LIFR: variants seen among roughly 807,000 people sequenced by gnomAD.
LIFR encodes the protein LIF receptor subunit alpha.
Under a neutral mutation model 122.2 loss-of-function variants are expected in LIFR, and 84 were observed. That is an observed-to-expected ratio of 0.69 (90% CI 0.58 to 0.82). The LOEUF (loss-of-function observed/expected upper bound fraction) is 0.82, where lower values mean the gene tolerates loss of function less well. Ranked by LOEUF, LIFR falls within the 40% of genes least tolerant of loss-of-function variation. The probability of loss-of-function intolerance (pLI) is 0.00; values close to 1 mark genes in which losing one functional copy is unlikely to be tolerated. For missense variants in LIFR, 1,294 were observed against 1,311.6 expected (o/e 0.99, Z 0.21); for synonymous variants, 422 against 434.7 (o/e 0.97, Z 0.36).
intron 14 of LIFR, 73 bp downstream of exon 14, chr5:38,493,533 T>A: frequency 7.1e-7 from 1 of 1,399,950 alleles, no homozygotes; most frequent in Non-Finnish European, 1.0e-6. Context: ...ATCACTTCAC[T>A]GCACCCAGTC....
At chr5:38,511,564 T>C (rs1265737866) in intron 6 of LIFR, among the ~76,000 whole-genome samples, 1 of 152,128 alleles carries the variant, frequency 6.6e-6, no homozygotes, top group Admixed American at 6.5e-5. Flanking sequence ...TTTTCAAACC[T>C]GGATGTTTAT....
At chr5:38,606,854 C>T (rs924805255) in intron 1 of LIFR, among the ~76,000 whole-genome samples, 15 of 152,162 alleles carry the variant, frequency 9.9e-5, no homozygotes, top group African/African-American at 3.4e-4. Flanking sequence ...CCATGACTTA[C>T]TTGTTGGCAA....
chr5:38,491,036 C>T (rs774368649), intron 14 of LIFR, among the ~76,000 whole-genome samples: 2 of 152,128 alleles, frequency 1.3e-5, no homozygotes, highest in African/African-American at 4.8e-5. Flanking sequence ...TCCTCTTGTT[C>T]CAAGAAGCAG....
At chr5:38,491,763 G>A (rs1221438743) in intron 14 of LIFR, among the ~76,000 whole-genome samples, 1 of 152,120 alleles carries the variant, frequency 6.6e-6, no homozygotes, top group Admixed American at 6.5e-5. Context: ...TTCCTTAAAC[G>A]TTTGTTATGT....
At chr5:38,562,740 A>G (rs956293457) in intron 1 of LIFR, among the ~76,000 whole-genome samples, 6 of 152,184 alleles carry the variant, frequency 3.9e-5, no homozygotes, top group African/African-American at 1.4e-4. Context: ...TGAATATATT[A>G]TTCTAAATAT....
rs1407154936 is a variant in LIFR, at chr5:38,524,782, T to C, written c.398-1200A>G. Reference sequence around the variant, plus strand: ...AAAGACATAAACCAGCCAAAGCTCCTTTTAGGGGCTGCCAATAGACAATTA... The same window carrying C: ...AAAGACATAAACCAGCCAAAGCTCCCTTTAGGGGCTGCCAATAGACAATTA... On this transcript the variant is annotated intron_variant, in intron 4 of 19. Coordinates refer to ENST00000453190, the MANE Select transcript of LIFR (RefSeq NM_001127671.2). Among the ~76,000 whole-genome samples the C allele has an allele frequency of 2.0e-5, 3 of 152,308 alleles. No homozygotes were observed. In the East Asian group the frequency reaches 5.8e-4, roughly 29 times the overall value.
intron 17 of LIFR, 44 bp from the exon 18 acceptor site, chr5:38,484,912 G>A (rs1293303894): frequency 7.6e-7 from 1 of 1,307,930 alleles, no homozygotes. Context: ...CATTTTTAGT[G>A]TGAAGTACAG....
intron 7 of LIFR, among the ~76,000 whole-genome samples, chr5:38,507,813 A>G (rs1247676686): frequency 1.3e-5 from 2 of 152,102 alleles, no homozygotes; most frequent in Non-Finnish European, 2.9e-5. Context: ...TTAGTTTATC[A>G]ACCAAAACTT....
intron 9 of LIFR, among the ~76,000 whole-genome samples, chr5:38,505,273 G>A (rs960201179): frequency 3.3e-5 from 5 of 152,074 alleles, no homozygotes; most frequent in Non-Finnish European, 5.9e-5. Flanking sequence ...AAGGCACAGG[G>A]ATGTGACTGT....
At chr5:38,578,207 C>CTTTTTTTTTTTTTTTTTTTTTCTTT (rs3079294) in intron 1 of LIFR, among the ~76,000 whole-genome samples, 1 of 123,458 alleles carries the variant, frequency 8.1e-6, no homozygotes, top group Non-Finnish European at 1.6e-5. Context: ...TTTTCTTTTT[C>CTTTTTTTTTTTTTTTTTTTTTCTTT]TTTTTTTTTT....
chr5:38,536,595 G>A (rs1184307026), intron 1 of LIFR, among the ~76,000 whole-genome samples: 2 of 152,130 alleles, frequency 1.3e-5, no homozygotes, highest in Non-Finnish European at 2.9e-5. Context: ...GTGGATACAC[G>A]TTATTTCTTC....
intron 5 of LIFR, among the ~76,000 whole-genome samples, chr5:38,520,087 G>A (rs1050579528): frequency 1.3e-5 from 2 of 151,986 alleles, no homozygotes; most frequent in Non-Finnish European, 2.9e-5. Flanking sequence ...ATTCCCAGTC[G>A]CATTGTATAA....
chr5:38,534,878 C>T (rs1013232348), intron 1 of LIFR, among the ~76,000 whole-genome samples: 6 of 152,144 alleles, frequency 3.9e-5, no homozygotes, highest in Non-Finnish European at 7.3e-5. Flanking sequence ...GGGAGGAACA[C>T]ACCAGACTTT....
rs189336428 is a variant in LIFR at position 38,574,517 on chromosome 5, G to A, written c.-20+20744C>T. ...TGGATCTCCAGTCTTCAGCACATGGGTAGGTAGTCAATCAATCATTGTTGA... is the reference window on the plus strand; with the variant it reads ...TGGATCTCCAGTCTTCAGCACATGGATAGGTAGTCAATCAATCATTGTTGA... On this transcript the variant is annotated intron_variant, in intron 1 of 19. Transcript: ENST00000263409. 4.8e-3 allele frequency among the ~76,000 whole-genome samples: 733 copies of A among 152,258 alleles called. 16 individuals carry two copies. Among genetic ancestry groups the A allele is most frequent in the Admixed American group, 0.042 (636 of 15,298 alleles).
At chr5:38,591,510 C>T (rs1749920936) in intron 1 of LIFR, among the ~76,000 whole-genome samples, 1 of 152,156 alleles carries the variant, frequency 6.6e-6, no homozygotes, top group Non-Finnish European at 1.5e-5. Flanking sequence ...TTTAACTTTT[C>T]ATCTGTTTTG....
chr5:38,571,614 GAAA>G (rs750872759), intron 1 of LIFR, among the ~76,000 whole-genome samples: 1 of 148,770 alleles, frequency 6.7e-6, no homozygotes, highest in Non-Finnish European at 1.5e-5. Context: ...AAAGCCAGAA[GAAA>G]AAAGATGACA....
intron 9 of LIFR, among the ~76,000 whole-genome samples, chr5:38,504,571 G>A (rs1181968335): frequency 6.6e-6 from 1 of 152,136 alleles, no homozygotes; most frequent in Non-Finnish European, 1.5e-5. Context: ...GAGCTATGCA[G>A]GAAGAATCAG....
upstream of LIFR, among the ~76,000 whole-genome samples, chr5:38,598,250 T>A (rs1454917260): frequency 8.5e-3 from 511 of 60,062 alleles, 17 homozygotes; most frequent in African/African-American, 0.046. Context: ...TATTTATTTT[T>A]TTTTTTTTTC....
chr5:38,484,172 A>T (rs921828406), intron 18 of LIFR, among the ~76,000 whole-genome samples: 2 of 152,176 alleles, frequency 1.3e-5, no homozygotes, highest in African/African-American at 4.8e-5. Flanking sequence ...GCCATGGCCG[A>T]CCAGCTCGCA....
Sources: gnomAD v4.1 joint callset for allele counts (sites outside exome capture counted in the v4.1 genomes callset) on GRCh38, gnomAD v4.1.1 for gene constraint, MANE v1.5 for transcripts, NCBI Gene and HGNC (gene_info 2026-07-23, HGNC 2026-07-21) for gene names.